Variants in CEP83 observed in about 807,000 individuals in gnomAD.
CEP83 encodes the protein centrosomal protein of 83 kDa.
In CEP83, 70 loss-of-function variants were observed where a neutral mutation model predicts 101.9. That is an observed-to-expected ratio of 0.69 (90% CI 0.57 to 0.84). The LOEUF is 0.84. CEP83 is among the 40% of genes least tolerant of loss of function. The pLI, the probability that CEP83 is intolerant of heterozygous loss-of-function variation, is 0.00. For missense variants in CEP83, 715 were observed against 787.2 expected (o/e 0.91, Z 1.10); for synonymous variants, 264 against 267.9 (o/e 0.99, Z 0.14).
intron 1 of CEP83, among the ~76,000 whole-genome samples, chr12:94,445,014 C>T (rs189841414): frequency 5.3e-5 from 8 of 151,732 alleles, no homozygotes; most frequent in African/African-American, 1.7e-4. Flanking sequence ...ACACAAGGGA[C>T]CCAGAAGAGC....
At chr12:94,383,316 T>C (rs546286861) in intron 6 of CEP83, among the ~76,000 whole-genome samples, 6 of 152,188 alleles carry the variant, frequency 3.9e-5, no homozygotes, top group Non-Finnish European at 8.8e-5. Context: ...TATGATGCAA[T>C]TACATCCCAA....
chr12:94,377,477 T>C (rs954947590), intron 7 of CEP83, among the ~76,000 whole-genome samples: 2 of 152,158 alleles, frequency 1.3e-5, no homozygotes, highest in Non-Finnish European at 1.5e-5. Context: ...GGGGAACATC[T>C]AGCTTAAATG....
chr12:94,449,779 T>TAAAAAAAAA (rs71071787), intron 1 of CEP83, among the ~76,000 whole-genome samples: 16 of 48,562 alleles, frequency 3.3e-4, no homozygotes, highest in Non-Finnish European at 4.1e-4. Context: ...TCTCAAACAA[T>TAAAAAAAAA]AAAAAAAAAA....
intron 6 of CEP83, among the ~76,000 whole-genome samples, chr12:94,386,784 C>T (rs917699745): frequency 2.0e-5 from 3 of 152,190 alleles, no homozygotes; most frequent in African/African-American, 7.2e-5. Context: ...ACTAGTTGTG[C>T]AACCTTGGGC....
Position 94,378,776 on chromosome 12 carries a change from T to C in CEP83, c.801+15A>G, listed in dbSNP as rs970403457. 6.2e-7 allele frequency: 1 copy of C among 1,613,360 alleles called. No homozygotes were observed. The highest frequency in any genetic ancestry group is 1.1e-5 in the South Asian group (1 of 91,012). On this transcript the variant is annotated intron_variant, in intron 7 of 16. Coordinates refer to ENST00000397809, the MANE Select transcript of CEP83 (RefSeq NM_016122.3). Reference sequence around the variant, plus strand: ...AAGTATGCCATACTCTACTGGGAAGTAATTAGAATCTTACCTCCAGGGATC... The same window carrying C: ...AAGTATGCCATACTCTACTGGGAAGCAATTAGAATCTTACCTCCAGGGATC...
At chr12:94,281,065 A>G in the CEP83 span, among the ~76,000 whole-genome samples, 1 of 152,172 alleles carries the variant, frequency 6.6e-6, no homozygotes, top group African/African-American at 2.4e-5. Flanking sequence ...GATCACCTGA[A>G]GTCAGGAGTT....
intron 11 of CEP83, among the ~76,000 whole-genome samples, chr12:94,351,727 A>G (rs549267416): frequency 4.4e-4 from 67 of 152,162 alleles, no homozygotes; most frequent in African/African-American, 1.5e-3. Context: ...CACCCCACAT[A>G]CCTGTAGGGA....
intron 1 of CEP83, among the ~76,000 whole-genome samples, chr12:94,444,634 T>C (rs966508302): frequency 1.3e-5 from 2 of 152,190 alleles, no homozygotes; most frequent in East Asian, 3.8e-4. Context: ...GAATGGAGGA[T>C]AGAATCAGTT....
intron 2 of CEP83, among the ~76,000 whole-genome samples, chr12:94,425,945 C>T (rs1245875006): frequency 3.3e-5 from 5 of 151,780 alleles, no homozygotes; most frequent in Non-Finnish European, 4.4e-5. Context: ...ACAGTGAAAC[C>T]CCATCTCTAC....
At chr12:94,341,770 AAAAC>A (rs1203789330) in intron 11 of CEP83, among the ~76,000 whole-genome samples, 4 of 152,184 alleles carry the variant, frequency 2.6e-5, no homozygotes, top group Non-Finnish European at 4.4e-5. Flanking sequence ...AAAAAACTAA[AAAAC>A]AAAACAAAAC....
chr12:94,279,430 C>G, the CEP83 span: 1 of 1,558,194 alleles, frequency 6.4e-7, no homozygotes, highest in Non-Finnish European at 8.7e-7. Flanking sequence ...TTTCAGATTG[C>G]AATTATCTAA....
chr12:94,300,967 T>A, the CEP83 span: 23 of 1,613,634 alleles, frequency 1.4e-5, no homozygotes, highest in East Asian at 2.2e-5. Context: ...TCTTTGACAT[T>A]AAGAAGACAC....
the CEP83 span, among the ~76,000 whole-genome samples, chr12:94,280,899 G>C: frequency 1.3e-5 from 2 of 152,170 alleles, no homozygotes; most frequent in African/African-American, 4.8e-5. Context: ...GGGGGCCTGG[G>C]GACACAGCCT....
At chr12:94,343,470 C>CCT (rs2059784949) in intron 11 of CEP83, among the ~76,000 whole-genome samples, 1 of 84,168 alleles carries the variant, frequency 1.2e-5, no homozygotes, top group Non-Finnish European at 2.2e-5. Flanking sequence ...TAGAAATTAA[C>CCT]TTTTTTTTTT....
intron 2 of CEP83, among the ~76,000 whole-genome samples, chr12:94,433,316 A>C (rs1345423602): frequency 1.3e-5 from 2 of 152,152 alleles, no homozygotes; most frequent in Non-Finnish European, 2.9e-5. Flanking sequence ...AGAAAAGGAG[A>C]TCAAAGGTCC....
At chr12:94,388,820 A>AT (rs1364771768) in intron 6 of CEP83, among the ~76,000 whole-genome samples, 1 of 152,088 alleles carries the variant, frequency 6.6e-6, no homozygotes, top group Non-Finnish European at 1.5e-5. Flanking sequence ...GAGTATAGTG[A>AT]TTTTGCTAAA....
At chr12:94,323,847 G>T (rs894903969) in intron 14 of CEP83, among the ~76,000 whole-genome samples, 2 of 152,186 alleles carry the variant, frequency 1.3e-5, no homozygotes, top group Non-Finnish European at 2.9e-5. Context: ...CCATTTATAA[G>T]ATTGAAAATT....
chr12:94,423,606 A>C, intron 2 of CEP83: 1 of 1,542,294 alleles, frequency 6.5e-7, no homozygotes, highest in Non-Finnish European at 8.7e-7. Context: ...AGGCCTGTGA[A>C]AAACGATGGC....
In CEP83 at chr12:94,375,890, C is replaced by A; in HGVS notation, c.929G>T (p.Ser310Ile). The change falls in exon 8 of 17, where the codon AGT becomes ATT. Residue 310 changes from serine to isoleucine, a missense_variant. Physicochemically the swap from Ser to Ile is moderately radical, Grantham distance 142. Transcript: ENST00000397809. The stretch of plus-strand genomic sequence containing the variant: ...CAGAAACATAAAACAACTTACTTTA[C>A]TGGACAATGTATTTATTTCTCGTTC... ...KAEREINTLS[S>I]KVKELKHSNK... 6.9e-7 allele frequency: 1 copy of A among 1,456,346 alleles called. No homozygotes were observed. Among genetic ancestry groups the A allele is most frequent in the South Asian group, 1.5e-5 (1 of 68,736 alleles). The allele number at this position is 1,456,346 out of a possible 1,614,324, so 90.2% of individuals were successfully genotyped here.
Sources: allele counts gnomAD v4.1 joint callset (sites outside exome capture counted in the v4.1 genomes callset), GRCh38; gene constraint gnomAD v4.1.1; transcripts MANE v1.5; gene names NCBI Gene and HGNC (gene_info 2026-07-23, HGNC 2026-07-21).